The following BRI3BP variants were observed in gnomAD, a reference collection of about 807,000 sequenced individuals.
BRI3BP encodes the protein BRI3 binding protein.
Under a neutral mutation model 15.8 loss-of-function variants are expected in BRI3BP, and 7 were observed. The observed-to-expected ratio is 0.44, with a 90% confidence interval of 0.25 to 0.83. The LOEUF (loss-of-function observed/expected upper bound fraction) is 0.83, where lower values mean the gene tolerates loss of function less well. Ranked by LOEUF, BRI3BP falls within the 40% of genes least tolerant of loss-of-function variation. BRI3BP has a pLI of 0.20. For missense variants in BRI3BP, 320 were observed against 339.3 expected, an observed-to-expected ratio of 0.94 and a Z score of 0.45; for synonymous variants, 192 against 163.5, an observed-to-expected ratio of 1.17 and a Z score of -1.33.
Position 125,027,204 on chromosome 12 carries a change from GTATC to G in BRI3BP, c.*1776_*1779del, listed in dbSNP as rs992202699. ...TGTGAAGTTTTATTTTTGGTTGCAA[GTATC>G]TGGAAAACAGATGCAGATGTTTTTG... is the stretch of plus-strand genomic sequence containing the variant. On this transcript the variant is annotated 3_prime_UTR_variant, in exon 3 of 3. Coordinates refer to ENST00000341446, the MANE Select transcript of BRI3BP (RefSeq NM_080626.6). 4.6e-5 allele frequency: 7 copies of G among 152,224 alleles called. No individual in the cohort carries two copies. The highest frequency in any genetic ancestry group is 1.3e-4 in the Admixed American group (2 of 15,284). The allele number at this position is 152,224 out of a possible 1,614,324, so 9.4% of individuals were successfully genotyped here. A position where few individuals can be genotyped will look rare whatever the true frequency, so the allele number is the denominator to read the frequency against.
chr12:125,016,825 C>CTTTTTTTTTTTTTTTTTTT lies in BRI3BP; in HGVS notation c.316+4198_316+4216dup, dbSNP rs58016016. 1.0e-4 allele frequency among the ~76,000 whole-genome samples: 4 copies of CTTTTTTTTTTTTTTTTTTT among 39,808 alleles called. 1 individual carries two copies. Among genetic ancestry groups the CTTTTTTTTTTTTTTTTTTT allele is most frequent in the Non-Finnish European group, 4.5e-5 (1 of 22,194 alleles). 26.1% of individuals were successfully genotyped at this position (39,808 alleles called of 152,430 possible). On this transcript the variant is annotated intron_variant, in intron 2 of 2. Transcript: ENST00000341446. ...ACGGGCATGAGCCACTGCGCCCAGC[C>CTTTTTTTTTTTTTTTTTTT]TTTTTTTTTTTTTTTTTTTTTTTTT... is the stretch of plus-strand genomic sequence containing the variant.
chr12:125,036,585 AG>A, the BRI3BP span, among the ~76,000 whole-genome samples: 5 of 35,326 alleles, frequency 1.4e-4, no homozygotes, highest in Non-Finnish European at 4.1e-4. Context: ...ATGTTAACAC[AG>A]GGCACTATTG....
Position 124,993,830 on chromosome 12 carries a change from G to C in BRI3BP, c.40G>C (p.Gly14Arg). The C allele has an allele frequency of 1.8e-6, 2 of 1,117,790 alleles. No individual in the cohort carries two copies. Among genetic ancestry groups the C allele is most frequent in the South Asian group, 7.5e-5 (2 of 26,654 alleles). 69.2% of individuals were successfully genotyped at this position (1,117,790 alleles called of 1,614,324 possible). Residue 14 changes from glycine to arginine, a missense_variant, in exon 1 of 3, where the codon GGG becomes CGG. Transcript: ENST00000341446. ...CTCAGGCGGGCCCCTGGCCCGGGCCGGGCTCCTGCTGCTGCTGCTGCTGCT... is the reference window on the plus strand; with the variant it reads ...CTCAGGCGGGCCCCTGGCCCGGGCCCGGCTCCTGCTGCTGCTGCTGCTGCT... ...RASGGPLARAGLLLLLLLLLL... is the reference protein window; with the variant it reads ...RASGGPLARARLLLLLLLLLL...
chr12:124,994,067 C>A (rs1955019233), intron 1 of BRI3BP, 64 bp downstream of exon 1: 3 of 1,106,848 alleles, frequency 2.7e-6, no homozygotes, highest in South Asian at 3.4e-5. Flanking sequence ...GCTACCGGGG[C>A]CGACCTGGGA....
At chr12:125,019,616 TATTAAC>T (rs1291458203) in intron 2 of BRI3BP, among the ~76,000 whole-genome samples, 3 of 150,020 alleles carry the variant, frequency 2.0e-5, no homozygotes, top group East Asian at 3.9e-4. Flanking sequence ...CAAAATATCT[TATTAAC>T]ATTAATTCCA....
chr12:125,001,787 G>A (rs538061246), intron 1 of BRI3BP, among the ~76,000 whole-genome samples: 92 of 151,990 alleles, frequency 6.1e-4, no homozygotes, highest in African/African-American at 2.1e-3. Flanking sequence ...AAAGCTCAGC[G>A]GTTTGTAGTA....
intron 1 of BRI3BP, among the ~76,000 whole-genome samples, chr12:124,999,363 A>G (rs1955065440): frequency 6.6e-6 from 1 of 152,172 alleles, no homozygotes; most frequent in Non-Finnish European, 1.5e-5. Context: ...ATATGGATCT[A>G]TAGATCTGCT....
chr12:125,032,071 C>T (rs112604782), downstream of BRI3BP, among the ~76,000 whole-genome samples: 22 of 151,922 alleles, frequency 1.4e-4, no homozygotes, highest in African/African-American at 3.9e-4. Context: ...CACTGGAGGA[C>T]GTGCAGTAGG....
chr12:125,017,154 G>C (rs1383485692), intron 2 of BRI3BP, among the ~76,000 whole-genome samples: 1 of 151,746 alleles, frequency 6.6e-6, no homozygotes, highest in Non-Finnish European at 1.5e-5. Context: ...CGAGTAGCTG[G>C]GATTACAGGC....
In BRI3BP at chr12:125,025,206, G is replaced by A. The variant is rs147612937; in HGVS notation, c.532G>A (p.Glu178Lys). ...MSCVYILHKY[E>K]GEPENAVLPL... ...CTGCGTGTACATCCTGCACAAGTAC[G>A]AGGGCGAGCCGGAGAACGCGGTGCT... The change falls in exon 3 of 3, where the codon GAG (glutamate) becomes AAG (lysine). Residue 178 changes from glutamate to lysine, a missense_variant. Glu to Lys is a moderately conservative substitution (Grantham distance 56). Transcript: ENST00000341446. 7 of 1,613,974 alleles carry A rather than the reference G, an allele frequency of 4.3e-6. No individual in the cohort carries two copies. In the Admixed American group the frequency reaches 5.0e-5, roughly 12 times the overall value.
intron 2 of BRI3BP, among the ~76,000 whole-genome samples, chr12:125,016,434 CT>C (rs1955244188): frequency 6.9e-6 from 1 of 144,532 alleles, no homozygotes; most frequent in Admixed American, 7.4e-5. Context: ...TGTGAGCCCC[CT>C]AGGTGATGTG....
At position 125,030,295 on chromosome 12, in the gene BRI3BP, C is replaced by G. The variant is rs1955396742; in HGVS notation, c.*4865C>G. On this transcript the variant is annotated 3_prime_UTR_variant, in exon 3 of 3. Coordinates refer to ENST00000341446, the MANE Select transcript of BRI3BP (RefSeq NM_080626.6). ...GGCTCCTAAGGGGTCAGCTGCCCCA[C>G]TCCTGACTTTTTTATTTTTAATGGT... 1 of 152,194 alleles carries G rather than the reference C, an allele frequency of 6.6e-6. No individual in the cohort carries two copies. The highest frequency in any genetic ancestry group is 6.5e-5 in the Admixed American group (1 of 15,272). 9.4% of individuals were successfully genotyped at this position (152,194 alleles called of 1,614,324 possible). A position where few individuals can be genotyped will look rare whatever the true frequency, so the allele number is the denominator to read the frequency against.
downstream of BRI3BP, among the ~76,000 whole-genome samples, chr12:125,034,235 G>A (rs1955426794): frequency 2.6e-5 from 4 of 151,226 alleles, no homozygotes; most frequent in African/African-American, 7.3e-5. Flanking sequence ...TAGTAGAGAC[G>A]GGGTTTCTCC....
chr12:125,046,838 T>C, the BRI3BP span, among the ~76,000 whole-genome samples: 1 of 152,238 alleles, frequency 6.6e-6, no homozygotes, highest in African/African-American at 2.4e-5. Flanking sequence ...CTAAAAATGA[T>C]TATTCCCACA....
At chr12:125,038,492 G>A in the BRI3BP span, among the ~76,000 whole-genome samples, 39 of 151,554 alleles carry the variant, frequency 2.6e-4, no homozygotes, top group African/African-American at 8.5e-4. Flanking sequence ...TCTGCCGGGC[G>A]TGGTGGCTCA....
rs1955355211 is a variant in BRI3BP at position 125,026,454 on chromosome 12, T to C, written c.*1024T>C. 1 of 151,990 alleles carries C rather than the reference T, an allele frequency of 6.6e-6. No individual in the cohort carries two copies. Among genetic ancestry groups the C allele is most frequent in the South Asian group, 2.1e-4 (1 of 4,812 alleles). 9.4% of individuals were successfully genotyped at this position (151,990 alleles called of 1,614,324 possible). ...AGCAATAAGCAAGCCTTTGAAAAGA[T>C]CTGAATTCTTTTTCCTGAAATATTT... On this transcript the variant is annotated 3_prime_UTR_variant, in exon 3 of 3. Transcript: ENST00000341446.
chr12:125,025,242 T>G lies in BRI3BP; in HGVS notation c.568T>G (p.Phe190Val). The change falls in exon 3 of 3, where the codon TTC (phenylalanine) becomes GTC (valine). Residue 190 changes from phenylalanine (F) to valine (V), a missense_variant. By Grantham distance (50) the Phe-to-Val change is conservative (BLOSUM62 -1). Coordinates refer to ENST00000341446, the MANE Select transcript of BRI3BP (RefSeq NM_080626.6). ...GGAGAACGCGGTGCTGCCGCTGTGC[T>G]TCGTGGTGGCCGTCTACTTCATGAC... ...EPENAVLPLC[F>V]VVAVYFMTGP... 6.2e-7 allele frequency: 1 copy of G among 1,614,120 alleles called. No homozygotes were observed. Among genetic ancestry groups the G allele is most frequent in the Non-Finnish European group, 8.5e-7 (1 of 1,180,026 alleles).
Position 125,025,947 on chromosome 12 carries a change from TTTCATGTTATTTTTGG to T in BRI3BP, c.*519_*534del, listed in dbSNP as rs1231934046. ...TCATGTTCCCAAACTGTGAGCTTTA[TTTCATGTTATTTTTGG>T]TGGATGTTGACTTAGTTCATGAATG... On this transcript the variant is annotated 3_prime_UTR_variant, in exon 3 of 3. Coordinates refer to ENST00000341446, the MANE Select transcript of BRI3BP (RefSeq NM_080626.6). 1 of 152,478 alleles carries T rather than the reference TTTCATGTTATTTTTGG, an allele frequency of 6.6e-6. No homozygotes were observed. Among genetic ancestry groups the T allele is most frequent in the Non-Finnish European group, 1.5e-5 (1 of 68,276 alleles). The allele number at this position is 152,478 out of a possible 1,614,324, so 9.4% of individuals were successfully genotyped here. A position where few individuals can be genotyped will look rare whatever the true frequency, so the allele number is the denominator to read the frequency against.
the BRI3BP span, among the ~76,000 whole-genome samples, chr12:125,048,777 A>C: frequency 6.6e-6 from 1 of 151,974 alleles, no homozygotes; most frequent in Non-Finnish European, 1.5e-5. Flanking sequence ...AGAGGGAGGA[A>C]GACATGGCAT....
Sources: allele counts gnomAD v4.1 joint callset (sites outside exome capture counted in the v4.1 genomes callset), GRCh38; gene constraint gnomAD v4.1.1; transcripts MANE v1.5; gene names NCBI Gene and HGNC (gene_info 2026-07-23, HGNC 2026-07-21).